Variants in HHAT observed in about 807,000 individuals in gnomAD.
The protein encoded by HHAT is hedgehog acyltransferase, also known as protein-cysteine N-palmitoyltransferase HHAT.
Under a neutral mutation model 70.8 loss-of-function variants are expected in HHAT, and 47 were observed. The ratio of observed to expected loss-of-function variants is 0.66; its 90% CI spans 0.53 to 0.85. HHAT has a LOEUF of 0.85. Among genes scored for constraint, HHAT ranks in the 40% least tolerant of loss-of-function variants. The probability of loss-of-function intolerance (pLI) is 0.00; values close to 1 mark genes in which losing one functional copy is unlikely to be tolerated. For synonymous variants in HHAT, 228 were observed against 247.6 expected (o/e 0.92, Z 0.74); for missense variants, 609 against 604.8 (o/e 1.01, Z -0.07).
intron 11 of HHAT, among the ~76,000 whole-genome samples, chr1:210,626,038 A>G (rs905694385): frequency 6.6e-6 from 1 of 152,236 alleles, no homozygotes; most frequent in Non-Finnish European, 1.5e-5. Context: ...GCAGTTGGAA[A>G]TATGAGTTGG....
intron 8 of HHAT, among the ~76,000 whole-genome samples, chr1:210,512,063 A>G (rs928399675): frequency 2.0e-5 from 3 of 152,114 alleles, no homozygotes; most frequent in Non-Finnish European, 2.9e-5. Context: ...TATGGACTGT[A>G]CCAGTTTCGT....
upstream of HHAT, chr1:210,328,821 C>T (rs1040615796): frequency 5.0e-6 from 2 of 396,250 alleles, no homozygotes; most frequent in Non-Finnish European, 4.3e-6. Context: ...GCGCTCTGGC[C>T]CGCCCCCTGC....
rs572838307 is a variant in HHAT, at chr1:210,612,278, C to G, written c.1246-11248C>G. ...CCATCACCACCCTCAATCTCCAGAACTTTTTCATCATCCTAATCTGAAACC... is the reference window on the plus strand; with the variant it reads ...CCATCACCACCCTCAATCTCCAGAAGTTTTTCATCATCCTAATCTGAAACC... On this transcript the variant is annotated intron_variant, in intron 10 of 11. Coordinates refer to ENST00000261458, the MANE Select transcript of HHAT (RefSeq NM_018194.6). Among the ~76,000 whole-genome samples, 17 of 152,280 alleles carry G rather than the reference C, an allele frequency of 1.1e-4. 1 individual carries two copies. The highest frequency in any genetic ancestry group is 2.6e-4 in the Admixed American group (4 of 15,290).
chr1:210,446,647 T>C (rs1186219154), intron 7 of HHAT, among the ~76,000 whole-genome samples: 1 of 152,206 alleles, frequency 6.6e-6, no homozygotes, highest in Non-Finnish European at 1.5e-5. Context: ...CCTGCTCATC[T>C]TCAGAAAGAG....
chr1:210,589,032 G>C (rs1041437334), intron 10 of HHAT: 1 of 152,186 alleles, frequency 6.6e-6, no homozygotes, highest in African/African-American at 2.4e-5. Context: ...GAAATCATCA[G>C]TTCTGAAGAT....
At chr1:210,391,095 G>T (rs1398516778) in intron 4 of HHAT, among the ~76,000 whole-genome samples, 1 of 152,130 alleles carries the variant, frequency 6.6e-6, no homozygotes, top group African/African-American at 2.4e-5. Flanking sequence ...TATAGTGGTT[G>T]TACTAATTTA....
intron 1 of HHAT, among the ~76,000 whole-genome samples, chr1:210,336,512 G>A (rs1036570436): frequency 2.0e-5 from 3 of 152,052 alleles, no homozygotes; most frequent in Admixed American, 6.6e-5. Context: ...GGCTGGGCAT[G>A]ATGGCTCATT....
At chr1:210,474,168 C>G (rs1468244885) in intron 8 of HHAT, among the ~76,000 whole-genome samples, 3 of 152,166 alleles carry the variant, frequency 2.0e-5, no homozygotes, top group Admixed American at 2.0e-4. Context: ...GACCACCCCC[C>G]ATAGAATCCC....
Position 210,589,858 on chromosome 1 carries a change from C to T in HHAT, c.1245+1759C>T, listed in dbSNP as rs561754261. 5 of 152,328 alleles carry T rather than the reference C, an allele frequency of 3.3e-5. No individual in the cohort carries two copies. The East Asian group carries it at 9.6e-4, about 29-fold the overall frequency. The allele number at this position is 152,328 out of a possible 1,614,324, so 9.4% of individuals were successfully genotyped here. On this transcript the variant is annotated intron_variant, in intron 10 of 11. Coordinates refer to ENST00000261458, the MANE Select transcript of HHAT (RefSeq NM_018194.6). Reference sequence around the variant, plus strand: ...TCACTCATTCACCTCACTTGACCTTCCATCTACAATTCAGGTACCTTGGTA... The same window carrying T: ...TCACTCATTCACCTCACTTGACCTTTCATCTACAATTCAGGTACCTTGGTA...
intron 9 of HHAT, among the ~76,000 whole-genome samples, chr1:210,531,809 CTG>C (rs549257717): frequency 7.3e-4 from 111 of 152,290 alleles, no homozygotes; most frequent in African/African-American, 2.5e-3. Context: ...ATCGACATAA[CTG>C]TAACTAACAG....
In HHAT at chr1:210,349,652, CT is replaced by C. The variant is rs34752131; in HGVS notation, c.91+603del. Among the ~76,000 whole-genome samples, 1,121 of 135,854 alleles carry C rather than the reference CT, an allele frequency of 8.3e-3. 5 individuals are homozygous for C. Among genetic ancestry groups the C allele is most frequent in the African/African-American group, 0.026 (942 of 36,926 alleles). The allele number at this position is 135,854 out of a possible 152,430, so 89.1% of individuals were successfully genotyped here. A position where few individuals can be genotyped will look rare whatever the true frequency, so the allele number is the denominator to read the frequency against. On this transcript the variant is annotated intron_variant, in intron 2 of 11. Transcript: ENST00000261458. ...GTTGGTGGCTATGTGCTACCTAAAACTTTTTTTTTTTTTTTTTGAGACCTAG... is the reference window on the plus strand; with the variant it reads ...GTTGGTGGCTATGTGCTACCTAAAACTTTTTTTTTTTTTTTTGAGACCTAG...
At chr1:210,327,536 G>A (rs766442316), upstream of HHAT, among the ~76,000 whole-genome samples, 29 of 151,946 alleles carry the variant, frequency 1.9e-4, no homozygotes, top group Non-Finnish European at 2.8e-4. Flanking sequence ...GACAGAGTCC[G>A]GCTCAGTCAC....
chr1:210,493,067 C>G (rs1375688144), intron 8 of HHAT, among the ~76,000 whole-genome samples: 1 of 151,966 alleles, frequency 6.6e-6, no homozygotes, highest in Non-Finnish European at 1.5e-5. Flanking sequence ...TACTTTGATT[C>G]TAGTTCAGCC....
intron 8 of HHAT, among the ~76,000 whole-genome samples, chr1:210,485,806 T>C (rs1016763284): frequency 2.6e-5 from 4 of 151,864 alleles, no homozygotes; most frequent in Non-Finnish European, 5.9e-5. Flanking sequence ...GATTCAATTT[T>C]CTCCCACCGG....
chr1:210,596,663 C>A (rs1663079058), intron 10 of HHAT, among the ~76,000 whole-genome samples: 1 of 152,004 alleles, frequency 6.6e-6, no homozygotes, highest in Non-Finnish European at 1.5e-5. Flanking sequence ...CTGCTTGATT[C>A]TTTTTAATTA....
rs1331314892 is a variant in HHAT at position 210,436,715 on chromosome 1, A to T, written c.856+18390A>T. ...TCCATTAACCAGTAGACATGGCAAT[A>T]CTAGGTGATACCCCACAAAATCCCC... On this transcript the variant is annotated intron_variant, in intron 7 of 11. Coordinates refer to ENST00000261458, the MANE Select transcript of HHAT (RefSeq NM_018194.6). 3.3e-5 allele frequency among the ~76,000 whole-genome samples: 5 copies of T among 151,782 alleles called. No homozygotes were observed. The East Asian group carries it at 5.8e-4, about 18-fold the overall frequency.
intron 4 of HHAT, among the ~76,000 whole-genome samples, chr1:210,397,354 T>G (rs1433553114): frequency 6.6e-6 from 1 of 152,232 alleles, no homozygotes; most frequent in Non-Finnish European, 1.5e-5. Flanking sequence ...CCCAATCATC[T>G]TCATAATTTG....
At chr1:210,631,730 ATGGC>A (rs1670902589) in intron 11 of HHAT, among the ~76,000 whole-genome samples, 1 of 152,216 alleles carries the variant, frequency 6.6e-6, no homozygotes, top group Admixed American at 6.5e-5. Flanking sequence ...GGACAACAGC[ATGGC>A]TGGCTGTGGT....
chr1:210,592,879 C>CTTTTTTTTTTTTTT (rs35245794), intron 10 of HHAT, among the ~76,000 whole-genome samples: 3 of 145,448 alleles, frequency 2.1e-5, no homozygotes, highest in Non-Finnish European at 1.5e-5. Context: ...ACCAACTTTT[C>CTTTTTTTTTTTTTT]TTTTTTTTTT....
Sources: allele counts gnomAD v4.1 joint callset (sites outside exome capture counted in the v4.1 genomes callset), GRCh38; gene constraint gnomAD v4.1.1; transcripts MANE v1.5; gene names NCBI Gene and HGNC (gene_info 2026-07-23, HGNC 2026-07-21).